The following ARHGEF16 variants were observed in gnomAD, a reference collection of about 807,000 sequenced individuals.
ARHGEF16 encodes Rho guanine nucleotide exchange factor 16.
Under a neutral mutation model 74.1 loss-of-function variants are expected in ARHGEF16, and 59 were observed. The ratio of observed to expected loss-of-function variants is 0.80; its 90% CI spans 0.65 to 0.99. The LOEUF (loss-of-function observed/expected upper bound fraction) is 0.99. Ranked by LOEUF, ARHGEF16 falls within the 50% of genes least tolerant of loss-of-function variation. The probability of loss-of-function intolerance (pLI) is 0.00; values close to 1 mark genes in which losing one functional copy is unlikely to be tolerated. For missense variants in ARHGEF16, 948 were observed against 986.6 expected (o/e 0.96, Z 0.52); for synonymous variants, 415 against 412.6 (o/e 1.01, Z -0.07).
intron 11 of ARHGEF16, 162 bp downstream of exon 11, chr1:3,478,188 G>A (rs182103805): frequency 1.8e-6 from 2 of 1,089,262 alleles, no homozygotes; most frequent in Non-Finnish European, 2.7e-6. Context: ...TCGGGGGCAG[G>A]TGGCGCTCGC....
intron 2 of ARHGEF16, among the ~76,000 whole-genome samples, chr1:3,465,224 C>A (rs184552085): frequency 2.0e-5 from 3 of 152,366 alleles, no homozygotes; most frequent in East Asian, 3.9e-4. Flanking sequence ...AGTGAGCCCA[C>A]GGGCATGGGC....
intron 6 of ARHGEF16, among the ~76,000 whole-genome samples, chr1:3,471,414 C>G (rs72633371): frequency 6.6e-6 from 1 of 152,018 alleles, no homozygotes; most frequent in Non-Finnish European, 1.5e-5. Context: ...GGTGCCCTTG[C>G]GGAACTTTGG....
chr1:3,474,694 T>C lies in ARHGEF16; in HGVS notation c.1306-14T>C, dbSNP rs748983827. ...CAGAGGGGACTTTCTGTCCCATGTC[T>C]GTTGTCCATCCAGACGCTCTGCCTC... On this transcript the variant is annotated splice_polypyrimidine_tract_variant and intron_variant, in intron 8 of 14. Coordinates refer to ENST00000378378, the MANE Select transcript of ARHGEF16 (RefSeq NM_014448.4). 6.2e-7 allele frequency: 1 copy of C among 1,611,812 alleles called. No homozygotes were observed. Among genetic ancestry groups the C allele is most frequent in the South Asian group, 1.1e-5 (1 of 91,058 alleles).
chr1:3,477,412 G>A (rs114701286), intron 10 of ARHGEF16, among the ~76,000 whole-genome samples: 2,954 of 49,852 alleles, frequency 0.059, 104 homozygotes, highest in African/African-American at 0.18. Flanking sequence ...CAGCAGGGAG[G>A]ATGTTCTGTG....
chr1:3,457,105 G>C (rs2100728691), intron 1 of ARHGEF16, among the ~76,000 whole-genome samples: 1 of 152,378 alleles, frequency 6.6e-6, no homozygotes, highest in African/African-American at 2.4e-5. Flanking sequence ...CCCCAGTGAA[G>C]GCCGCAGAGC....
At chr1:3,474,529 A>G (rs1639828206) in intron 8 of ARHGEF16, 179 bp from the exon 9 acceptor site, 2 of 602,180 alleles carry the variant, frequency 3.3e-6, no homozygotes, top group East Asian at 5.6e-5. Flanking sequence ...CTGACCTGGC[A>G]GAGCTCCAGG....
intron 14 of ARHGEF16, 102 bp downstream of exon 14, chr1:3,480,015 AC>A: frequency 1.7e-6 from 2 of 1,154,420 alleles, no homozygotes; most frequent in Non-Finnish European, 2.5e-6. Context: ...CTGCAGGCTG[AC>A]CATGTGCTCA....
chr1:3,478,605 G>A lies in ARHGEF16; in HGVS notation c.1807G>A (p.Asp603Asn). ...CCAGGAGCAGCTCCTGCTCTCCTCG[G>A]ACTCCGCGTAAGTGGGCTCCCGGGA... ...GRQEQLLLSS[D>N]SASDRARWIV... The change falls in exon 12 of 15, where the codon GAC (aspartate) becomes AAC (asparagine). Residue 603 changes from aspartate (D) to asparagine (N), a missense_variant. Coordinates refer to ENST00000378378, the MANE Select transcript of ARHGEF16 (RefSeq NM_014448.4). 1 of 1,609,344 alleles carries A rather than the reference G, an allele frequency of 6.2e-7. No homozygotes were observed.
At chr1:3,471,640 T>C in intron 6 of ARHGEF16, 1 of 1,207,470 alleles carries the variant, frequency 8.3e-7, no homozygotes, top group Non-Finnish European at 1.1e-6. Context: ...TCCGGTCCCC[T>C]CTGCCTCAGG....
At chr1:3,459,017 T>C (rs1057311405) in intron 1 of ARHGEF16, among the ~76,000 whole-genome samples, 1 of 152,164 alleles carries the variant, frequency 6.6e-6, no homozygotes, top group African/African-American at 2.4e-5. Flanking sequence ...TACTCATTAG[T>C]GGGTATTCCA....
rs368789535 is a variant in ARHGEF16, at chr1:3,465,954, C to G, written c.589-194C>G. 499 of 613,510 alleles carry G rather than the reference C, an allele frequency of 8.1e-4. 5 individuals carry two copies. In the South Asian group the frequency reaches 8.3e-3, roughly 10 times the overall value. 38.0% of individuals were successfully genotyped at this position (613,510 alleles called of 1,614,324 possible). ...CTCCAAGCAGCCCTCAGTCACGTGTCCTGCCTGCTCTGAGCCCTCCTCCCA... is the reference window on the plus strand; with the variant it reads ...CTCCAAGCAGCCCTCAGTCACGTGTGCTGCCTGCTCTGAGCCCTCCTCCCA... On this transcript the variant is annotated intron_variant, in intron 2 of 14. Transcript: ENST00000378378.
At chr1:3,473,757 C>A in intron 8 of ARHGEF16, 1 of 684,554 alleles carries the variant, frequency 1.5e-6, no homozygotes, top group Non-Finnish European at 2.4e-6. Flanking sequence ...GATTTGTGTT[C>A]ACTTACTCAA....
At chr1:3,478,169 A>G (rs1639946339) in intron 11 of ARHGEF16, 143 bp downstream of exon 11, 18 of 1,212,916 alleles carry the variant, frequency 1.5e-5, no homozygotes, top group Non-Finnish European at 2.0e-5. Context: ...CACATGCTCT[A>G]CGTGACACTC....
At position 3,481,108 on chromosome 1, in the gene ARHGEF16, T is replaced by TAA. The variant is rs546285415; in HGVS notation, c.*522_*523dup. The TAA allele has an allele frequency of 4.2e-4, 64 of 153,218 alleles. No individual in the cohort carries two copies. The highest frequency in any genetic ancestry group is 6.3e-4 in the Non-Finnish European group (43 of 68,738). 9.5% of individuals were successfully genotyped at this position (153,218 alleles called of 1,614,324 possible). A position where few individuals can be genotyped will look rare whatever the true frequency, so the allele number is the denominator to read the frequency against. On this transcript the variant is annotated 3_prime_UTR_variant, in exon 15 of 15. Transcript: ENST00000378378. ...TTCTAAATACATTAAAGTTATTTCTTAAGAACCTGGATTTTCACAGTGACT... is the reference window on the plus strand; with the variant it reads ...TTCTAAATACATTAAAGTTATTTCTTAAAAGAACCTGGATTTTCACAGTGACT...
intron 10 of ARHGEF16, 128 bp downstream of exon 10, chr1:3,476,190 G>A: frequency 2.1e-6 from 2 of 970,818 alleles, no homozygotes; most frequent in East Asian, 2.8e-5. Flanking sequence ...ATGAGGCCTG[G>A]GGGCTGGGCC....
chr1:3,477,221 G>A (rs1340766608), intron 10 of ARHGEF16, among the ~76,000 whole-genome samples: 1 of 58,656 alleles, frequency 1.7e-5, no homozygotes, highest in Non-Finnish European at 3.4e-5. Context: ...TGAGGAGCGG[G>A]AGCTGGTGGG....
At chr1:3,478,268 A>G (rs984285399) in intron 11 of ARHGEF16, 156 bp from the exon 12 acceptor site, 7 of 961,706 alleles carry the variant, frequency 7.3e-6, no homozygotes, top group African/African-American at 1.6e-5. Flanking sequence ...CTCGAAAGCC[A>G]TGGCCTCTGT....
Position 3,480,762 on chromosome 1 carries a change from A to T in ARHGEF16, c.*175A>T. ...AGACACTTCACGGAAGGAAGATCAC[A>T]TGTCCCCAGAGAGGCACCCCCAGGC... On this transcript the variant is annotated 3_prime_UTR_variant, in exon 15 of 15. Coordinates refer to ENST00000378378, the MANE Select transcript of ARHGEF16 (RefSeq NM_014448.4). The T allele has an allele frequency of 1.1e-6, 1 of 926,998 alleles. No individual in the cohort carries two copies. The highest frequency in any genetic ancestry group is 1.8e-5 in the South Asian group (1 of 56,842). 57.4% of individuals were successfully genotyped at this position (926,998 alleles called of 1,614,324 possible). A position where few individuals can be genotyped will look rare whatever the true frequency, so the allele number is the denominator to read the frequency against.
At position 3,473,485 on chromosome 1, in the gene ARHGEF16, C is replaced by G; in HGVS notation, c.1268C>G (p.Pro423Arg). The G allele has an allele frequency of 1.2e-6, 2 of 1,611,962 alleles. No individual in the cohort carries two copies. The highest frequency in any genetic ancestry group is 1.7e-6 in the Non-Finnish European group (2 of 1,180,012). ...CCCATGCTCTCCTTCCTGATCCTCC[C>G]CATGCAGCGGGTGACCCGGCTGCCC... ...GLPMLSFLIL[P>R]MQRVTRLPLL... The change falls in exon 8 of 15, where the codon CCC (proline) becomes CGC (arginine). Residue 423 changes from proline (P) to arginine (R), a missense_variant. Physicochemically the swap from Pro to Arg is moderately radical, Grantham distance 103. Coordinates refer to ENST00000378378, the MANE Select transcript of ARHGEF16 (RefSeq NM_014448.4).
Sources: gnomAD v4.1 joint callset for allele counts (sites outside exome capture counted in the v4.1 genomes callset) on GRCh38, gnomAD v4.1.1 for gene constraint, MANE v1.5 for transcripts, NCBI Gene and HGNC (gene_info 2026-07-23, HGNC 2026-07-21) for gene names.